ALKBH8: variants seen among roughly 807,000 people sequenced by gnomAD.
ALKBH8 encodes alkB homolog 8, tRNA methyltransferase.
Under a neutral mutation model 59.8 loss-of-function variants are expected in ALKBH8, and 36 were observed. The observed-to-expected ratio is 0.60, with a 90% CI of 0.46 to 0.79. The LOEUF (loss-of-function observed/expected upper bound fraction) is 0.79. Ranked by LOEUF, ALKBH8 falls within the 30% of genes least tolerant of loss-of-function variation. ALKBH8 has a pLI of 0.00. For missense variants in ALKBH8, 768 were observed against 801.0 expected (o/e 0.96, Z 0.50); for synonymous variants, 276 against 273.6 (o/e 1.01, Z -0.09).
chr11:107,552,537 T>C (rs901617247), intron 5 of ALKBH8, among the ~76,000 whole-genome samples: 1 of 152,240 alleles, frequency 6.6e-6, no homozygotes, highest in East Asian at 1.9e-4. Flanking sequence ...GAAATACAAA[T>C]GACCAACCTT....
chr11:107,560,883 T>A lies in ALKBH8; in HGVS notation c.11A>T (p.Asn4Ile), dbSNP rs752997059. 1.2e-6 allele frequency: 2 copies of A among 1,612,040 alleles called. No individual in the cohort carries two copies. The highest frequency in any genetic ancestry group is 1.7e-5 in the Admixed American group (1 of 59,868). The change falls in exon 2 of 12, where the codon AAC (asparagine) becomes ATC (isoleucine). Residue 4 changes from asparagine to isoleucine, a missense_variant. Asn to Ile is a moderately radical substitution (Grantham distance 149). Transcript: ENST00000428149. MDS[N>I]HQSNYKLSKT... is the part of the protein sequence containing the mutation. Reference sequence around the variant, plus strand: ...ACTGAGTTTGTAATTACTTTGATGGTTGCTGTCCATAGCAAACTGTAAAAA... The same window carrying A: ...ACTGAGTTTGTAATTACTTTGATGGATGCTGTCCATAGCAAACTGTAAAAA...
At chr11:107,521,654 G>GA (rs879466525) in intron 10 of ALKBH8, among the ~76,000 whole-genome samples, 40 of 151,860 alleles carry the variant, frequency 2.6e-4, no homozygotes, top group Middle Eastern at 3.4e-3. Context: ...TAGCACAGCA[G>GA]AAAAAAAATG....
intron 9 of ALKBH8, 83 bp from the exon 10 acceptor site, chr11:107,522,638 A>G (rs1352469484): frequency 4.3e-6 from 6 of 1,394,172 alleles, no homozygotes; most frequent in Non-Finnish European, 5.7e-6. Context: ...AAAAAAAAAA[A>G]TCAATGCAAA....
intron 7 of ALKBH8, among the ~76,000 whole-genome samples, chr11:107,535,973 A>G (rs1472272597): frequency 6.6e-6 from 1 of 152,250 alleles, no homozygotes; most frequent in African/African-American, 2.4e-5. Context: ...TTGCCTCCTT[A>G]TAAGTTCAGC....
chr11:107,510,966 T>C lies in ALKBH8; in HGVS notation c.1358A>G (p.Asp453Gly). The change falls in exon 11 of 12, where the codon GAT (aspartate) becomes GGT (glycine). Residue 453 changes from aspartate (D) to glycine (G), a missense_variant. Physicochemically the swap from Asp to Gly is moderately conservative, Grantham distance 94. Transcript: ENST00000428149. ...RERQFQAFVC[D>G]ALAVPVRSGS... ...ACTGCGGACTGGTACTGCCAATGCA[T>C]CACAGACAAAAGCCTGAAATTGCCT... 6.4e-7 allele frequency: 1 copy of C among 1,551,862 alleles called. No individual in the cohort carries two copies. Among genetic ancestry groups the C allele is most frequent in the Non-Finnish European group, 8.7e-7 (1 of 1,146,994 alleles).
chr11:107,538,742 T>C (rs952883237), intron 7 of ALKBH8, among the ~76,000 whole-genome samples: 26 of 152,228 alleles, frequency 1.7e-4, no homozygotes, highest in African/African-American at 6.0e-4. Flanking sequence ...GATCTCCATG[T>C]TGGCTAAATA....
intron 8 of ALKBH8, among the ~76,000 whole-genome samples, chr11:107,529,327 C>T (rs1863479625): frequency 6.6e-6 from 1 of 152,166 alleles, no homozygotes; most frequent in South Asian, 2.1e-4. Context: ...GGAGCATTCA[C>T]ATAATCTCAT....
At chr11:107,522,963 C>T (rs1195321429) in intron 9 of ALKBH8, among the ~76,000 whole-genome samples, 1 of 151,988 alleles carries the variant, frequency 6.6e-6, no homozygotes, top group Admixed American at 6.6e-5. Context: ...CTTCGGGCCC[C>T]CTCTCACACA....
In ALKBH8 at chr11:107,556,890, C is replaced by G. The variant is rs17107135; in HGVS notation, c.243G>C (p.Pro81=). Reference sequence around the variant, plus strand: ...TAGTTCTGTATCTTGCAAATGAGTACGGCTTGTTAGGTGGCATTAAGAGAG... The same window carrying G: ...TAGTTCTGTATCTTGCAAATGAGTAGGGCTTGTTAGGTGGCATTAAGAGAG... The part of the protein sequence containing the change: ...VDALLMPPNK[P]YSFARYRTTE... The change falls in exon 3 of 12, where the codon CCG becomes CCC. Residue 81 remains proline (P), a synonymous_variant. Coordinates refer to ENST00000428149, the MANE Select transcript of ALKBH8 (RefSeq NM_138775.3). 0.019 allele frequency: 29,947 copies of G among 1,611,148 alleles called. 4,058 individuals carry two copies. In the African/African-American group the frequency reaches 0.32, roughly 17 times the overall value.
At position 107,526,372 on chromosome 11, in the gene ALKBH8, T is replaced by C. The variant is rs371557147; in HGVS notation, c.879-780A>G. Among the ~76,000 whole-genome samples the C allele has an allele frequency of 1.0e-3, 159 of 152,160 alleles. 2 individuals are homozygous for C. The highest frequency in any genetic ancestry group is 3.6e-3 in the African/African-American group (148 of 41,568). On this transcript the variant is annotated intron_variant, in intron 8 of 11. Transcript: ENST00000428149. ...TTATTATTTATCTAATGACTAATGA[T>C]GCTATACATCTTTTCATGTGCTTAT...
chr11:107,556,711 T>C, intron 3 of ALKBH8, 55 bp downstream of exon 3: 1 of 1,267,620 alleles, frequency 7.9e-7, no homozygotes. Context: ...CTTAAGTCTA[T>C]GAAAAGAAAA....
At chr11:107,561,021 T>G in intron 1 of ALKBH8, 122 bp from the exon 2 acceptor site, 1 of 842,344 alleles carries the variant, frequency 1.2e-6, no homozygotes, top group East Asian at 2.7e-5. Context: ...TAAAAATGCT[T>G]CATTTACCTT....
intron 7 of ALKBH8, among the ~76,000 whole-genome samples, chr11:107,542,863 G>C (rs911859886): frequency 6.6e-6 from 1 of 152,140 alleles, no homozygotes; most frequent in African/African-American, 2.4e-5. Flanking sequence ...TGAGCCATGA[G>C]TGTGCCACTG....
In ALKBH8 at chr11:107,510,890, T is replaced by C; in HGVS notation, c.1434A>G (p.Thr478=). 1.3e-6 allele frequency: 2 copies of C among 1,551,312 alleles called. No individual in the cohort carries two copies. The highest frequency in any genetic ancestry group is 1.7e-6 in the Non-Finnish European group (2 of 1,146,806). ...ISIAVIHHFA[T]AERRVAALQE... ...GAGAAAGAAAGACCATACTTACTGC[T>C]GTTGCAAAATGATGAATAACAGCAA... The change falls in exon 11 of 12, where the codon ACA becomes ACG. Residue 478 remains threonine (T), a synonymous_variant. Transcript: ENST00000428149.
rs145152778 is a variant in ALKBH8, at chr11:107,527,683, C to T, written c.879-2091G>A. Among the ~76,000 whole-genome samples the T allele has an allele frequency of 1.9e-3, 287 of 152,050 alleles. 1 individual carries two copies. Among genetic ancestry groups the T allele is most frequent in the African/African-American group, 6.7e-3 (278 of 41,516 alleles). ...TTCTAAATATTGACCTTGTATGTCG[C>T]TAAATTCACTTATTAGTTCTGGAAC... On this transcript the variant is annotated intron_variant, in intron 8 of 11. Transcript: ENST00000428149.
At chr11:107,555,447 G>A (rs938014835) in intron 3 of ALKBH8, among the ~76,000 whole-genome samples, 1 of 152,092 alleles carries the variant, frequency 6.6e-6, no homozygotes, top group African/African-American at 2.4e-5. Context: ...GAGGACGGGG[G>A]TAAACCCAAT....
chr11:107,535,520 T>C (rs1863778585), intron 7 of ALKBH8, among the ~76,000 whole-genome samples: 2 of 152,208 alleles, frequency 1.3e-5, no homozygotes, highest in African/African-American at 4.8e-5. Flanking sequence ...ATGTTGAACA[T>C]TTTTTCACAT....
Position 107,522,563 on chromosome 11 carries a change from A to T in ALKBH8, c.1031-8T>A. On this transcript the variant is annotated splice_polypyrimidine_tract_variant and splice_region_variant and intron_variant, in intron 9 of 11. Coordinates refer to ENST00000428149, the MANE Select transcript of ALKBH8 (RefSeq NM_138775.3). ...CACAGACCAACGGGTAACCTTAATG[A>T]AAAAGCAATACACACCTTTCCTTTT... The T allele has an allele frequency of 1.3e-6, 2 of 1,549,928 alleles. No homozygotes were observed. Among genetic ancestry groups the T allele is most frequent in the Non-Finnish European group, 1.7e-6 (2 of 1,146,464 alleles).
intron 7 of ALKBH8, among the ~76,000 whole-genome samples, chr11:107,536,189 T>C (rs1863807784): frequency 6.6e-6 from 1 of 152,266 alleles, no homozygotes; most frequent in African/African-American, 2.4e-5. Flanking sequence ...TTACTTTTTC[T>C]GTCCATAAAT....
Sources: gnomAD v4.1 joint callset for allele counts (sites outside exome capture counted in the v4.1 genomes callset) on GRCh38, gnomAD v4.1.1 for gene constraint, MANE v1.5 for transcripts, NCBI Gene and HGNC (gene_info 2026-07-23, HGNC 2026-07-21) for gene names.